RASA3: variants seen among roughly 807,000 people sequenced by gnomAD.
RASA3 encodes RAS p21 protein activator 3, also known as ras GTPase-activating protein 3.
RASA3 carries 73 observed loss-of-function variants against 110.0 expected under a neutral mutation model. The ratio of observed to expected loss-of-function variants is 0.66; its 90% CI spans 0.55 to 0.81. The LOEUF (loss-of-function observed/expected upper bound fraction) is 0.81, where lower values mean the gene tolerates loss of function less well. RASA3 is among the 30% of genes least tolerant of loss of function. The pLI, the probability that RASA3 is intolerant of heterozygous loss-of-function variation, is 0.00. For synonymous variants in RASA3, 500 were observed against 451.4 expected, an observed-to-expected ratio of 1.11 and a Z score of -1.37; for missense variants, 976 against 1,113.2, an observed-to-expected ratio of 0.88 and a Z score of 1.75.
intron 1 of RASA3, among the ~76,000 whole-genome samples, chr13:114,099,107 G>A (rs1292379181): frequency 1.4e-3 from 23 of 16,216 alleles, no homozygotes; most frequent in South Asian, 5.7e-3. Context: ...GTCGGGGCCC[G>A]GCCACCCGAG....
chr13:114,009,570 A>T, intron 16 of RASA3, 106 bp from the exon 17 acceptor site: 8 of 781,776 alleles, frequency 1.0e-5, no homozygotes, highest in Non-Finnish European at 1.7e-5. Context: ...AATGACGATA[A>T]ACAGGCAAAG....
intron 16 of RASA3, among the ~76,000 whole-genome samples, 155 bp from the exon 17 acceptor site, chr13:114,009,619 G>C (rs2053589148): frequency 6.6e-6 from 1 of 152,232 alleles, no homozygotes; most frequent in African/African-American, 2.4e-5. Context: ...CCGCAGGGCT[G>C]CCCGGAGGAC....
chr13:114,071,246 G>A (rs111645376), intron 2 of RASA3, among the ~76,000 whole-genome samples: 2,940 of 152,270 alleles, frequency 0.019, 92 homozygotes, highest in African/African-American at 0.066. Context: ...GCCTCCCAAA[G>A]TGCTGGGATT....
intron 22 of RASA3, among the ~76,000 whole-genome samples, chr13:113,982,153 C>T (rs2052951320): frequency 2.0e-5 from 3 of 152,240 alleles, no homozygotes; most frequent in Non-Finnish European, 4.4e-5. Flanking sequence ...CACCAATCAG[C>T]CATTCTCACA....
chr13:114,081,007 T>C (rs370793964), intron 1 of RASA3, among the ~76,000 whole-genome samples: 6,712 of 89,590 alleles, frequency 0.075, no homozygotes, highest in East Asian at 0.13. Context: ...GCCGTCCACC[T>C]AGAACACCAA....
rs138838591 is a variant in RASA3, at chr13:114,069,337, C to T, written c.173+4383G>A. Among the ~76,000 whole-genome samples the T allele has an allele frequency of 2.9e-3, 441 of 151,622 alleles. 3 individuals carry two copies. The highest frequency in any genetic ancestry group is 0.01 in the African/African-American group (426 of 41,264). ...TGGGGCCCTTCTGAGCTCAGAGATG[C>T]AGACGTGGGCTTTTTTCTTTCCACA... On this transcript the variant is annotated intron_variant, in intron 2 of 23. Coordinates refer to ENST00000334062, the MANE Select transcript of RASA3 (RefSeq NM_007368.4).
intron 15 of RASA3, among the ~76,000 whole-genome samples, chr13:114,012,182 G>A (rs1366093455): frequency 6.6e-6 from 1 of 152,026 alleles, no homozygotes; most frequent in Non-Finnish European, 1.5e-5. Context: ...GTGACCAGCA[G>A]CTAAAACCCT....
At chr13:113,979,974 TACC>T (rs945693091) in intron 23 of RASA3, among the ~76,000 whole-genome samples, 2 of 141,906 alleles carry the variant, frequency 1.4e-5, no homozygotes, top group African/African-American at 2.6e-5. Context: ...CTTCCACGTG[TACC>T]TCCTCCCATG....
At position 114,009,372 on chromosome 13, in the gene RASA3, T is replaced by C. The variant is rs1241488138; in HGVS notation, c.1668+15A>G. 7 of 1,603,092 alleles carry C rather than the reference T, an allele frequency of 4.4e-6. No homozygotes were observed. Among genetic ancestry groups the C allele is most frequent in the Admixed American group, 1.7e-5 (1 of 59,894 alleles). ...GCACGGCACACGGGCGGTCGGAGGG[T>C]GAGTCGATACTTACGTTCTTCACCG... On this transcript the variant is annotated intron_variant, in intron 17 of 23. Coordinates refer to ENST00000334062, the MANE Select transcript of RASA3 (RefSeq NM_007368.4).
At position 114,000,893 on chromosome 13, in the gene RASA3, C is replaced by T; in HGVS notation, c.1782G>A (p.Gly594=). 1.9e-6 allele frequency: 3 copies of T among 1,613,972 alleles called. No homozygotes were observed. The highest frequency in any genetic ancestry group is 2.5e-6 in the Non-Finnish European group (3 of 1,179,936). The change falls in exon 19 of 24, where the codon GGG becomes GGA. Residue 594 remains glycine (G), a synonymous_variant. Coordinates refer to ENST00000334062, the MANE Select transcript of RASA3 (RefSeq NM_007368.4). ...ACCATCTCTTCTTAAAATTCTTCAT[C>T]CCAAAGCGCTTCCGTCCTTGGGCCC... ...IKRAQGRKRF[G]MKNFKKRWFR...
chr13:114,069,524 A>AG (rs1594417783), intron 2 of RASA3, among the ~76,000 whole-genome samples: 6 of 38,794 alleles, frequency 1.5e-4, no homozygotes, highest in Admixed American at 3.8e-4. Flanking sequence ...CAGGAGACAC[A>AG]GGGGCCAGGA....
At chr13:113,997,470 G>T (rs1419094207) in intron 20 of RASA3, among the ~76,000 whole-genome samples, 1 of 152,112 alleles carries the variant, frequency 6.6e-6, no homozygotes, top group Non-Finnish European at 1.5e-5. Context: ...TTAAGCAGGG[G>T]GTGGGGGCAA....
In RASA3 at chr13:114,073,812, G is replaced by C; in HGVS notation, c.81C>G (p.Tyr27Ter). 6.2e-7 allele frequency: 1 copy of C among 1,614,194 alleles called. No individual in the cohort carries two copies. Residue 27 changes from tyrosine to a stop codon, truncating the protein, a stop_gained, in exon 2 of 24, where the codon TAC becomes TAG. Coordinates refer to ENST00000334062, the MANE Select transcript of RASA3 (RefSeq NM_007368.4). LOFTEE classifies it high-confidence loss of function. ...KIGEAKNLPS[Y>*]PGPSKMRDCY... ...AATCCCTCATCTTGCTCGGCCCCGG[G>C]TAAGAGGGAAGGTTTTTGGCTTCAC...
At chr13:114,068,172 G>C (rs2079486942) in intron 2 of RASA3, among the ~76,000 whole-genome samples, 1 of 152,230 alleles carries the variant, frequency 6.6e-6, no homozygotes, top group Non-Finnish European at 1.5e-5. Context: ...CCCCGAGATG[G>C]GCATGCAAAT....
intron 2 of RASA3, among the ~76,000 whole-genome samples, chr13:114,060,204 C>T (rs753513677): frequency 5.3e-5 from 8 of 152,214 alleles, no homozygotes; most frequent in South Asian, 2.1e-4. Flanking sequence ...GGGCAGGGCA[C>T]GGCAGGACCG....
chr13:113,989,493 G>A (rs1266660324), intron 22 of RASA3, among the ~76,000 whole-genome samples: 5 of 53,386 alleles, frequency 9.4e-5, no homozygotes, highest in Admixed American at 6.5e-4. Context: ...ACTCACCCAT[G>A]CTTCCATCCA....
intron 1 of RASA3, among the ~76,000 whole-genome samples, chr13:114,079,436 T>A (rs1219640341): frequency 6.6e-6 from 1 of 152,150 alleles, no homozygotes; most frequent in Non-Finnish European, 1.5e-5. Flanking sequence ...ACCTCAGCCT[T>A]TTAGTCGTCC....
At chr13:114,080,620 C>A (rs1470586714) in intron 1 of RASA3, among the ~76,000 whole-genome samples, 1 of 111,332 alleles carries the variant, frequency 9.0e-6, no homozygotes, top group Non-Finnish European at 1.9e-5. Flanking sequence ...AGGAGGGGTC[C>A]TAGAAGGCGC....
intron 1 of RASA3, among the ~76,000 whole-genome samples, chr13:114,119,113 T>C (rs922224279): frequency 5.3e-5 from 7 of 133,092 alleles, no homozygotes; most frequent in Admixed American, 5.0e-4. Context: ...GAAGGGCACA[T>C]GGAGGGCAGA....
Sources: gnomAD v4.1 joint callset for allele counts (sites outside exome capture counted in the v4.1 genomes callset) on GRCh38, gnomAD v4.1.1 for gene constraint, MANE v1.5 for transcripts, NCBI Gene and HGNC (gene_info 2026-07-23, HGNC 2026-07-21) for gene names.